Variants in ZFAND3 observed in about 807,000 individuals in gnomAD.
ZFAND3 encodes the protein zinc finger AN1-type containing 3.
In ZFAND3, 10 loss-of-function variants were observed where a neutral mutation model predicts 29.6. That is an observed-to-expected ratio of 0.34 (90% CI 0.21 to 0.57). The LOEUF is 0.57. ZFAND3 is among the 20% of genes least tolerant of loss of function. ZFAND3 has a pLI of 0.86. For missense variants in ZFAND3, 230 were observed against 304.5 expected, an observed-to-expected ratio of 0.76 and a Z score of 1.82; for synonymous variants, 128 against 112.6, an observed-to-expected ratio of 1.14 and a Z score of -0.87.
chr6:37,873,910 A>G (rs1412459193), intron 1 of ZFAND3, among the ~76,000 whole-genome samples: 2 of 152,260 alleles, frequency 1.3e-5, no homozygotes, highest in Non-Finnish European at 2.9e-5. Context: ...CGAATTTCGT[A>G]TAATTTTCAC....
At chr6:37,896,577 TCTCTCTCTTTCTC>T (rs1765220185) in intron 1 of ZFAND3, among the ~76,000 whole-genome samples, 1 of 134,984 alleles carries the variant, frequency 7.4e-6, no homozygotes, top group African/African-American at 2.9e-5. Flanking sequence ...TTTCTCTCTT[TCTCTCTCTTTCTC>T]TTTTTCTTTC....
intron 2 of ZFAND3, among the ~76,000 whole-genome samples, chr6:37,961,233 G>A (rs1421084942): frequency 6.6e-6 from 1 of 152,212 alleles, no homozygotes. Flanking sequence ...CTGTGGGCCT[G>A]AGGTATCAGT....
At chr6:37,972,989 A>G (rs1303160768) in intron 2 of ZFAND3, among the ~76,000 whole-genome samples, 1 of 152,092 alleles carries the variant, frequency 6.6e-6, no homozygotes, top group African/African-American at 2.4e-5. Context: ...AAAACTTTGC[A>G]CTTACTGAGT....
rs770091563 is a variant in ZFAND3 at position 38,116,772 on chromosome 6, T to C, written c.529+33T>C. The C allele has an allele frequency of 2.1e-5, 34 of 1,603,522 alleles. 1 individual carries two copies. In the South Asian group the frequency reaches 3.7e-4, roughly 17 times the overall value. On this transcript the variant is annotated intron_variant, in intron 5 of 5. Coordinates refer to ENST00000287218, the MANE Select transcript of ZFAND3 (RefSeq NM_021943.3). ...TCTCCCCCAGTGGCGTGATGGAGAC[T>C]ATATCCTTAACACCTTGGCCCAGCT...
rs74898876 is a variant in ZFAND3, at chr6:37,916,264, G to A, written c.72-13695G>A. On this transcript the variant is annotated intron_variant, in intron 1 of 5. Transcript: ENST00000287218. ...TGTGAAACAGATATGAAGTAAGCAC[G>A]TGCTGTTGAAACAAAGACTTGCTCA... Among the ~76,000 whole-genome samples, 1,446 of 152,218 alleles carry A rather than the reference G, an allele frequency of 9.5e-3. 23 individuals are homozygous for A. The highest frequency in any genetic ancestry group is 0.033 in the African/African-American group (1,363 of 41,520).
chr6:38,091,417 C>T (rs1444632890), intron 4 of ZFAND3, among the ~76,000 whole-genome samples: 2 of 148,302 alleles, frequency 1.3e-5, no homozygotes, highest in Non-Finnish European at 3.0e-5. Flanking sequence ...TGAGCCAATA[C>T]TATTTAAAAA....
chr6:37,886,892 T>G lies in ZFAND3; in HGVS notation c.72-43067T>G, dbSNP rs1353020431. 2.6e-5 allele frequency among the ~76,000 whole-genome samples: 4 copies of G among 152,248 alleles called. No individual in the cohort carries two copies. The East Asian group carries it at 5.8e-4, about 22-fold the overall frequency. On this transcript the variant is annotated intron_variant, in intron 1 of 5. Coordinates refer to ENST00000287218, the MANE Select transcript of ZFAND3 (RefSeq NM_021943.3). ...GGTGGCACATGCCTGTAATTCCAGCTACTCAGGAGGCTTAGGCACATGAAT... is the reference window on the plus strand; with the variant it reads ...GGTGGCACATGCCTGTAATTCCAGCGACTCAGGAGGCTTAGGCACATGAAT...
At chr6:37,832,773 C>CTTAAT (rs1000563131) in intron 1 of ZFAND3, 15 of 152,396 alleles carry the variant, frequency 9.8e-5, no homozygotes, top group African/African-American at 2.9e-4. Context: ...AACTCCTGGG[C>CTTAAT]TTAAGTGATC....
intron 4 of ZFAND3, among the ~76,000 whole-genome samples, chr6:38,083,219 G>T (rs1238016281): frequency 6.6e-6 from 1 of 152,082 alleles, no homozygotes; most frequent in Non-Finnish European, 1.5e-5. Flanking sequence ...CTGTTTCCAT[G>T]TACAAACTTA....
At chr6:37,843,253 A>ACGTG (rs1196617319) in intron 1 of ZFAND3, among the ~76,000 whole-genome samples, 68 of 152,174 alleles carry the variant, frequency 4.5e-4, no homozygotes, top group African/African-American at 1.4e-3. Context: ...TGGGAGGCTG[A>ACGTG]GGCAGGTGGA....
At chr6:37,943,616 A>G (rs545822784) in intron 2 of ZFAND3, among the ~76,000 whole-genome samples, 1 of 152,230 alleles carries the variant, frequency 6.6e-6, no homozygotes, top group African/African-American at 2.4e-5. Context: ...TGGGTTATTC[A>G]TTTCTCCTAT....
chr6:38,082,276 C>T (rs1459586844), intron 3 of ZFAND3, 116 bp from the exon 4 acceptor site: 18 of 894,716 alleles, frequency 2.0e-5, no homozygotes, highest in South Asian at 1.6e-4. Flanking sequence ...TACTTCTCCT[C>T]GTTATATTTT....
intron 2 of ZFAND3, among the ~76,000 whole-genome samples, chr6:37,946,503 T>C (rs1288173224): frequency 6.6e-6 from 1 of 152,188 alleles, no homozygotes. Context: ...CCCCCATTCC[T>C]TCATGCACAC....
At chr6:37,883,192 C>T (rs773893019) in intron 1 of ZFAND3, among the ~76,000 whole-genome samples, 2 of 152,184 alleles carry the variant, frequency 1.3e-5, no homozygotes, top group African/African-American at 2.4e-5. Context: ...CACTGCTCTA[C>T]AGCCTGGGTG....
chr6:37,974,374 G>A (rs1762441070), intron 2 of ZFAND3, among the ~76,000 whole-genome samples: 1 of 146,386 alleles, frequency 6.8e-6, no homozygotes, highest in South Asian at 2.2e-4. Context: ...CTGAAATCAT[G>A]CATTATATAC....
At chr6:37,875,216 C>T (rs918881951) in intron 1 of ZFAND3, among the ~76,000 whole-genome samples, 2 of 152,030 alleles carry the variant, frequency 1.3e-5, no homozygotes, top group Non-Finnish European at 2.9e-5. Context: ...ATAGACTCAC[C>T]CTGGCCCCCC....
chr6:38,006,825 C>T (rs1763059097), intron 2 of ZFAND3, among the ~76,000 whole-genome samples: 1 of 152,054 alleles, frequency 6.6e-6, no homozygotes, highest in African/African-American at 2.4e-5. Context: ...CCAGTCCAGA[C>T]TCATCCGAGA....
chr6:37,843,617 G>A (rs1764120634), intron 1 of ZFAND3, among the ~76,000 whole-genome samples: 2 of 152,228 alleles, frequency 1.3e-5, no homozygotes, highest in Non-Finnish European at 1.5e-5. Context: ...AGAACTATGC[G>A]GTCCACATTA....
At chr6:38,064,981 T>G (rs1764314182) in intron 3 of ZFAND3, among the ~76,000 whole-genome samples, 2 of 152,046 alleles carry the variant, frequency 1.3e-5, no homozygotes, top group African/African-American at 4.8e-5. Flanking sequence ...AGATGATAGT[T>G]TAAGCCATAG....
Sources: gnomAD v4.1 joint callset for allele counts (sites outside exome capture counted in the v4.1 genomes callset) on GRCh38, gnomAD v4.1.1 for gene constraint, MANE v1.5 for transcripts, NCBI Gene and HGNC (gene_info 2026-07-23, HGNC 2026-07-21) for gene names.